The following COL4A1 variants were observed in gnomAD, a reference collection of about 807,000 sequenced individuals.
The protein encoded by COL4A1 is collagen alpha-1(IV) chain.
COL4A1 carries 40 observed loss-of-function variants against 216.6 expected under a neutral mutation model. That is an observed-to-expected ratio of 0.18 (90% CI 0.14 to 0.24). COL4A1 has a LOEUF of 0.24. Among genes scored for constraint, COL4A1 ranks in the 10% least tolerant of loss-of-function variants. COL4A1 has a pLI of 1.00. For missense variants in COL4A1, 1,628 were observed against 2,196.8 expected, an observed-to-expected ratio of 0.74 and a Z score of 5.18; for synonymous variants, 839 against 810.7, an observed-to-expected ratio of 1.03 and a Z score of -0.59.
intron 39 of COL4A1, 139 bp from the exon 40 acceptor site, chr13:110,174,137 G>A: frequency 2.0e-6 from 2 of 984,652 alleles, no homozygotes; most frequent in Non-Finnish European, 3.1e-6. Context: ...GGTCAGTTCT[G>A]ACTTCCCTTC....
chr13:110,219,926 G>GTATATA lies in COL4A1; in HGVS notation c.145-5912_145-5911insTATATA, dbSNP rs1461254817. Among the ~76,000 whole-genome samples the GTATATA allele has an allele frequency of 1.3e-4, 13 of 98,098 alleles. No homozygotes were observed. In the South Asian group the frequency reaches 2.5e-3, roughly 19 times the overall value. 64.4% of individuals were successfully genotyped at this position (98,098 alleles called of 152,430 possible). ...TGTATATATATGTGTGTATATATATGTATGTATATGTGTGTGTATATATAC... is the reference window on the plus strand; with the variant it reads ...TGTATATATATGTGTGTATATATATGTATATATATGTATATGTGTGTGTATATATAC... On this transcript the variant is annotated intron_variant, in intron 2 of 51. Coordinates refer to ENST00000375820, the MANE Select transcript of COL4A1 (RefSeq NM_001845.6).
At chr13:110,169,835 A>G in intron 42 of COL4A1, 73 bp from the exon 43 acceptor site, 2 of 1,596,628 alleles carry the variant, frequency 1.3e-6, no homozygotes, top group Non-Finnish European at 1.7e-6. Context: ...GGGGCTATCA[A>G]TACTGCCACC....
At chr13:110,286,582 C>A (rs953426219) in intron 1 of COL4A1, among the ~76,000 whole-genome samples, 2 of 152,166 alleles carry the variant, frequency 1.3e-5, no homozygotes, top group African/African-American at 4.8e-5. Flanking sequence ...ACAGAGGAGC[C>A]GCCTATAGGG....
chr13:110,153,737 A>T (rs997622682), intron 50 of COL4A1, among the ~76,000 whole-genome samples: 1 of 152,224 alleles, frequency 6.6e-6, no homozygotes, highest in South Asian at 2.1e-4. Context: ...TAGCTGCAGT[A>T]CAATCAACCC....
chr13:110,178,609 TC>T (rs1442510559), intron 31 of COL4A1, among the ~76,000 whole-genome samples: 16 of 152,146 alleles, frequency 1.1e-4, no homozygotes, highest in Non-Finnish European at 7.3e-5. Flanking sequence ...GTTGAAATTA[TC>T]CACCACTAAT....
rs149175997 is a variant in COL4A1 at position 110,185,239 on chromosome 13, G to A, written c.1897+1146C>T. Among the ~76,000 whole-genome samples the A allele has an allele frequency of 7.2e-3, 1,094 of 152,074 alleles. 6 individuals carry two copies. Among genetic ancestry groups the A allele is most frequent in the South Asian group, 0.012 (59 of 4,810 alleles). On this transcript the variant is annotated intron_variant, in intron 26 of 51. Transcript: ENST00000375820. Reference sequence around the variant, plus strand: ...TGGCTCTCTACAACCTCTGCCTCCCGGGTTCAAGCGATTCTCCTGCCTCAG... The same window carrying A: ...TGGCTCTCTACAACCTCTGCCTCCCAGGTTCAAGCGATTCTCCTGCCTCAG...
At chr13:110,178,382 T>C (rs1293050394) in intron 31 of COL4A1, 151 bp from the exon 32 acceptor site, 2 of 931,816 alleles carry the variant, frequency 2.1e-6, no homozygotes, top group African/African-American at 3.3e-5. Context: ...GGTGTTGGTG[T>C]TTGGGGTCAT....
intron 2 of COL4A1, among the ~76,000 whole-genome samples, chr13:110,229,486 C>T (rs1880905610): frequency 6.6e-6 from 1 of 152,190 alleles, no homozygotes; most frequent in African/African-American, 2.4e-5. Context: ...TTTGTCGCCA[C>T]ACATCACTGT....
At chr13:110,292,716 G>A (rs984932495) in intron 1 of COL4A1, among the ~76,000 whole-genome samples, 1 of 152,134 alleles carries the variant, frequency 6.6e-6, no homozygotes, top group Non-Finnish European at 1.5e-5. Flanking sequence ...CAGCATGGGG[G>A]AAACTGCCCC....
At chr13:110,200,332 A>C (rs1879128459) in intron 20 of COL4A1, among the ~76,000 whole-genome samples, 1 of 152,188 alleles carries the variant, frequency 6.6e-6, no homozygotes, top group Admixed American at 6.5e-5. Flanking sequence ...GTCTGGAGTG[A>C]CTGGAGAATG....
chr13:110,197,443 A>G (rs1373749), intron 21 of COL4A1, among the ~76,000 whole-genome samples: 41,275 of 151,996 alleles, frequency 0.27, 5,784 homozygotes, highest in Admixed American at 0.32. Context: ...CCTTGGTCAG[A>G]GCTCACAACC....
At chr13:110,235,418 A>T (rs942291101) in intron 2 of COL4A1, among the ~76,000 whole-genome samples, 2 of 152,216 alleles carry the variant, frequency 1.3e-5, no homozygotes, top group Non-Finnish European at 2.9e-5. Flanking sequence ...TGGGAGGCTG[A>T]GGCGGGCGGA....
At chr13:110,196,268 A>G (rs35345744) in intron 21 of COL4A1, among the ~76,000 whole-genome samples, 38,106 of 152,190 alleles carry the variant, frequency 0.25, 5,078 homozygotes, top group Admixed American at 0.32. Flanking sequence ...GGTCCCCCAC[A>G]GCCACTGCTA....
intron 49 of COL4A1, 131 bp from the exon 50 acceptor site, chr13:110,155,528 A>G: frequency 1.4e-6 from 1 of 725,288 alleles, no homozygotes; most frequent in Non-Finnish European, 2.5e-6. Context: ...TAAGTAGAAA[A>G]CATTGTGCCC....
At chr13:110,210,252 G>A (rs1406192588) in intron 8 of COL4A1, 40 bp from the exon 9 acceptor site, 19 of 1,582,128 alleles carry the variant, frequency 1.2e-5, no homozygotes, top group Admixed American at 1.7e-5. Flanking sequence ...TGCAAATATC[G>A]ACATTCATGT....
chr13:110,236,418 C>A (rs1010946960), intron 2 of COL4A1, among the ~76,000 whole-genome samples: 3 of 152,150 alleles, frequency 2.0e-5, no homozygotes, highest in African/African-American at 7.2e-5. Flanking sequence ...AAGTGCCCAG[C>A]AAAGTAACAA....
intron 1 of COL4A1, among the ~76,000 whole-genome samples, chr13:110,290,286 G>A (rs1281003692): frequency 6.6e-6 from 1 of 152,142 alleles, no homozygotes; most frequent in Non-Finnish European, 1.5e-5. Flanking sequence ...CTCGGCAGGC[G>A]GCTTCTGGGA....
At chr13:110,234,445 G>C (rs1319603147) in intron 2 of COL4A1, among the ~76,000 whole-genome samples, 4 of 152,110 alleles carry the variant, frequency 2.6e-5, no homozygotes, top group South Asian at 2.1e-4. Flanking sequence ...AGCCAGGTGG[G>C]GGGGTACACG....
chr13:110,219,752 GTATATATGCGTATATATGTA>G (rs879742529), intron 2 of COL4A1, among the ~76,000 whole-genome samples: 4,437 of 136,492 alleles, frequency 0.033, 192 homozygotes, highest in Admixed American at 0.064. Flanking sequence ...ATACATATGT[GTATATATGCGTATATATGTA>G]TATATATGCG....
Sources: allele counts gnomAD v4.1 joint callset (sites outside exome capture counted in the v4.1 genomes callset), GRCh38; gene constraint gnomAD v4.1.1; transcripts MANE v1.5; gene names NCBI Gene and HGNC (gene_info 2026-07-23, HGNC 2026-07-21).